Variants in APC observed in about 807,000 individuals in gnomAD.
The protein encoded by APC is adenomatous polyposis coli protein.
In APC, 72 loss-of-function variants were observed where a neutral mutation model predicts 247.0. That is an observed-to-expected ratio of 0.29 (90% CI 0.24 to 0.35). The LOEUF (loss-of-function observed/expected upper bound fraction) is 0.35. Ranked by LOEUF, APC falls within the 10% of genes least tolerant of loss-of-function variation. APC has a pLI of 1.00. For synonymous variants in APC, 1,254 were observed against 1,162.5 expected, an observed-to-expected ratio of 1.08 and a Z score of -1.60; for missense variants, 3,400 against 3,360.7, an observed-to-expected ratio of 1.01 and a Z score of -0.29.
intron 8 of APC, among the ~76,000 whole-genome samples, chr5:112,804,918 C>T (rs1761215600): frequency 1.3e-5 from 2 of 152,002 alleles, no homozygotes; most frequent in African/African-American, 4.8e-5. Flanking sequence ...GAGGTCAAGG[C>T]TGCAGTGGGC....
At chr5:112,797,306 C>T (rs1760315979) in intron 7 of APC, among the ~76,000 whole-genome samples, 1 of 152,118 alleles carries the variant, frequency 6.6e-6, no homozygotes. Context: ...TTATTTTATT[C>T]TTCTAATGTA....
chr5:112,725,751 C>G (rs11749701), intron 1 of APC, among the ~76,000 whole-genome samples: 61,232 of 151,784 alleles, frequency 0.4, 14,831 homozygotes, highest in East Asian at 0.68. Flanking sequence ...ACAGTGAGAC[C>G]CTATCTCAAA....
At chr5:112,777,662 C>T (rs1757806172) in intron 5 of APC, 1 of 206,664 alleles carries the variant, frequency 4.8e-6, no homozygotes, top group South Asian at 1.0e-4. Flanking sequence ...ATCTTCTGGA[C>T]AAGAATGCCA....
At chr5:112,729,919 A>T (rs1429443439) in intron 1 of APC, among the ~76,000 whole-genome samples, 1 of 152,172 alleles carries the variant, frequency 6.6e-6, no homozygotes. Flanking sequence ...TTGTTGAGTC[A>T]TCACAGTTTT....
intron 7 of APC, among the ~76,000 whole-genome samples, chr5:112,794,794 T>G (rs1475963506): frequency 1.3e-5 from 2 of 152,198 alleles, no homozygotes; most frequent in African/African-American, 4.8e-5. Flanking sequence ...AATTCCAGGC[T>G]TCCACATCCC....
Position 112,807,924 on chromosome 5 carries a change from G to A in APC, c.834+6541G>A, listed in dbSNP as rs115858910. ...AATCTCAGCATTTCCAGAGGCCGGGGTGAGCGGATCACTTGAGGTCAGGAG... is the reference window on the plus strand; with the variant it reads ...AATCTCAGCATTTCCAGAGGCCGGGATGAGCGGATCACTTGAGGTCAGGAG... On this transcript the variant is annotated intron_variant, in intron 8 of 15. Coordinates refer to ENST00000257430, the MANE Select transcript of APC (RefSeq NM_000038.6). Among the ~76,000 whole-genome samples, 617 of 152,236 alleles carry A rather than the reference G, an allele frequency of 4.1e-3. 5 individuals carry two copies. Among genetic ancestry groups the A allele is most frequent in the African/African-American group, 0.014 (584 of 41,538 alleles).
At position 112,834,840 on chromosome 5, in the gene APC, G is replaced by A. The variant is rs544730640; in HGVS notation, c.1744-111G>A. 115 of 934,282 alleles carry A rather than the reference G, an allele frequency of 1.2e-4. 3 individuals are homozygous for A. The South Asian group carries it at 1.4e-3, about 12-fold the overall frequency. The allele number at this position is 934,282 out of a possible 1,614,324, so 57.9% of individuals were successfully genotyped here. On this transcript the variant is annotated intron_variant, in intron 14 of 15. Transcript: ENST00000257430. ...AGTTCTTAATTTACCAGTGAGGGAC[G>A]GGCAATAGGATAGATTAAAAAATAG...
intron 8 of APC, among the ~76,000 whole-genome samples, chr5:112,806,042 G>A (rs781327516): frequency 1.3e-5 from 2 of 152,040 alleles, no homozygotes; most frequent in Non-Finnish European, 2.9e-5. Flanking sequence ...CATATTTACT[G>A]GGCCTTCTCC....
intron 6 of APC, among the ~76,000 whole-genome samples, chr5:112,792,190 G>A (rs967550903): frequency 2.0e-5 from 3 of 152,000 alleles, no homozygotes; most frequent in African/African-American, 7.3e-5. Context: ...AGGTTGCGGT[G>A]AGCTGAGATT....
chr5:112,796,736 T>G (rs1760248724), intron 7 of APC, among the ~76,000 whole-genome samples: 1 of 152,210 alleles, frequency 6.6e-6, no homozygotes, highest in East Asian at 1.9e-4. Context: ...TCTTTCATCC[T>G]TAAGCAAATT....
intron 2 of APC, among the ~76,000 whole-genome samples, chr5:112,756,128 C>G (rs1754958782): frequency 6.6e-6 from 1 of 152,188 alleles, no homozygotes; most frequent in Non-Finnish European, 1.5e-5. Context: ...CAAGGTTTCC[C>G]TTATTCTCCA....
intron 1 of APC, among the ~76,000 whole-genome samples, chr5:112,753,462 T>A (rs1211626974): frequency 6.6e-6 from 1 of 152,196 alleles, no homozygotes; most frequent in African/African-American, 2.4e-5. Context: ...TAAGTTATGT[T>A]GAAGCAGATT....
At chr5:112,835,284 G>T in intron 15 of APC, 119 bp downstream of exon 15, 1 of 883,010 alleles carries the variant, frequency 1.1e-6, no homozygotes, top group Non-Finnish European at 1.8e-6. Flanking sequence ...ATTTATTACT[G>T]TGAAAAGATA....
chr5:112,738,398 C>T, intron 1 of APC: 1 of 985,712 alleles, frequency 1.0e-6, no homozygotes, highest in Non-Finnish European at 1.2e-6. Flanking sequence ...AAAACCGCTG[C>T]AGATGGCTGA....
intron 1 of APC, among the ~76,000 whole-genome samples, chr5:112,722,096 C>G (rs1751513467): frequency 6.6e-6 from 1 of 152,154 alleles, no homozygotes; most frequent in Non-Finnish European, 1.5e-5. Context: ...GTGGTGTCAT[C>G]TGATTTCAAC....
chr5:112,820,386 A>G (rs75014659), intron 10 of APC, among the ~76,000 whole-genome samples: 1 of 152,198 alleles, frequency 6.6e-6, no homozygotes, highest in African/African-American at 2.4e-5. Flanking sequence ...GTGGTGGTTC[A>G]TGCCTGTAAT....
intron 1 of APC, among the ~76,000 whole-genome samples, chr5:112,743,786 A>C (rs1452407638): frequency 6.6e-6 from 1 of 152,028 alleles, no homozygotes; most frequent in Non-Finnish European, 1.5e-5. Flanking sequence ...ACTTAGGGCC[A>C]CTCTAATCCA....
chr5:112,843,086 T>C lies in APC; in HGVS notation c.7492T>C (p.Ser2498Pro), dbSNP rs1766493069. Residue 2498 changes from serine (S) to proline (P), a missense_variant, in exon 16 of 16, where the codon TCT becomes CCT. Transcript: ENST00000257430. This position sits in a 1 kb window ranked among gnomAD's most constrained non-coding sequence, Gnocchi z 4.8. ...LPDMSLSTHS[S>P]VQAGGWRKLP... The stretch of plus-strand genomic sequence containing the variant: ...TGATATGTCTCTATCCACACATTCG[T>C]CTGTTCAGGCTGGTGGATGGCGAAA... 1 of 1,614,078 alleles carries C rather than the reference T, an allele frequency of 6.2e-7. No individual in the cohort carries two copies. The highest frequency in any genetic ancestry group is 1.1e-5 in the South Asian group (1 of 91,086).
chr5:112,756,287 G>GT lies in APC; in HGVS notation c.135+1263dup, dbSNP rs559332556. 1.6e-3 allele frequency among the ~76,000 whole-genome samples: 250 copies of GT among 152,186 alleles called. 4 individuals are homozygous for GT. The highest frequency in any genetic ancestry group is 5.9e-3 in the African/African-American group (245 of 41,490). On this transcript the variant is annotated intron_variant, in intron 2 of 15. Transcript: ENST00000257430. ...TCTACTCTAATTAGCCTCTTCTGTG[G>GT]TAAAACTGTCCCCAGCAATGACAGA... is the stretch of plus-strand genomic sequence containing the variant.
Sources: gnomAD v4.1 joint callset for allele counts (sites outside exome capture counted in the v4.1 genomes callset) on GRCh38, gnomAD v4.1.1 for gene constraint, Gnocchi (gnomAD v3.1) non-coding constraint, MANE v1.5 for transcripts, NCBI Gene and HGNC (gene_info 2026-07-23, HGNC 2026-07-21) for gene names.